Variants in AUTS2 observed in about 807,000 individuals in gnomAD.
The protein encoded by AUTS2 is autism susceptibility gene 2 protein.
AUTS2 carries 17 observed loss-of-function variants against 112.4 expected under a neutral mutation model. The ratio of observed to expected loss-of-function variants is 0.15; its 90% CI spans 0.10 to 0.23. The LOEUF (loss-of-function observed/expected upper bound fraction) is 0.23, where lower values mean the gene tolerates loss of function less well. Ranked by LOEUF, AUTS2 falls within the 10% of genes least tolerant of loss-of-function variation. The pLI is 1.00. For missense variants in AUTS2, 1,510 were observed against 1,701.6 expected, an observed-to-expected ratio of 0.89 and a Z score of 1.98; for synonymous variants, 751 against 702.7, an observed-to-expected ratio of 1.07 and a Z score of -1.09.
At chr7:69,708,133 A>G (rs1270004999) in intron 1 of AUTS2, among the ~76,000 whole-genome samples, 3 of 152,158 alleles carry the variant, frequency 2.0e-5, no homozygotes, top group South Asian at 4.2e-4. Context: ...TGTTCAAGTA[A>G]AATCTGAATG....
At chr7:70,520,887 AT>A (rs1386674040) in intron 5 of AUTS2, among the ~76,000 whole-genome samples, 2 of 152,182 alleles carry the variant, frequency 1.3e-5, no homozygotes, top group Non-Finnish European at 2.9e-5. Flanking sequence ...AACTCATTTC[AT>A]TCCAATCACT....
At chr7:69,776,986 T>C (rs1668157699) in intron 1 of AUTS2, among the ~76,000 whole-genome samples, 1 of 152,226 alleles carries the variant, frequency 6.6e-6, no homozygotes, top group Non-Finnish European at 1.5e-5. Context: ...GGAGTCACTC[T>C]CTGTTTTCTC....
intron 5 of AUTS2, among the ~76,000 whole-genome samples, chr7:70,507,320 CT>C (rs1799004399): frequency 6.6e-6 from 1 of 151,992 alleles, no homozygotes; most frequent in Non-Finnish European, 1.5e-5. Flanking sequence ...GGGAGGATCG[CT>C]TGAGCCTGGG....
At chr7:69,978,460 A>G (rs1338663246) in intron 2 of AUTS2, among the ~76,000 whole-genome samples, 1 of 152,186 alleles carries the variant, frequency 6.6e-6, no homozygotes, top group African/African-American at 2.4e-5. Context: ...ATTCAATCCA[A>G]CGAGATACTG....
At chr7:70,019,986 C>T (rs2129555183) in intron 2 of AUTS2, among the ~76,000 whole-genome samples, 1 of 152,236 alleles carries the variant, frequency 6.6e-6, no homozygotes, top group Admixed American at 6.5e-5. Context: ...GAATACAGCA[C>T]TCAGTTCTGG....
intron 1 of AUTS2, among the ~76,000 whole-genome samples, chr7:69,759,163 C>T (rs959755374): frequency 3.9e-5 from 6 of 152,030 alleles, no homozygotes; most frequent in South Asian, 2.1e-4. Context: ...GCTGTCTGCC[C>T]GGGGAACCTA....
In AUTS2 at chr7:70,790,230, C is replaced by T. The variant is rs750470894; in HGVS notation, c.3014C>T (p.Pro1005Leu). Residue 1005 changes from proline (P) to leucine (L), a missense_variant, in exon 19 of 19, where the codon CCG becomes CTG. Coordinates refer to ENST00000342771, the MANE Select transcript of AUTS2 (RefSeq NM_015570.4). The surrounding 1 kb of genome is among the most constrained non-coding windows in gnomAD (Gnocchi z 7.6). ...CCGCAGACCCACCGGGCCTCGGAGC[C>T]GCCGCCTCCCAACTCCTCGTCCAGC... The part of the protein sequence containing the change: ...EAPQTHRASE[P>L]PPPNSSSSVH... The T allele has an allele frequency of 1.9e-5, 31 of 1,612,556 alleles. No homozygotes were observed. The highest frequency in any genetic ancestry group is 1.6e-4 in the Middle Eastern group (1 of 6,080).
At chr7:69,778,249 T>A (rs867939584) in intron 1 of AUTS2, among the ~76,000 whole-genome samples, 1,121 of 36,638 alleles carry the variant, frequency 0.031, 12 homozygotes, top group African/African-American at 0.048. Flanking sequence ...TATATATATT[T>A]TTTTTTTTTT....
intron 6 of AUTS2, among the ~76,000 whole-genome samples, chr7:70,708,603 G>A (rs1039772224): frequency 6.6e-6 from 1 of 151,454 alleles, no homozygotes; most frequent in East Asian, 1.9e-4. Context: ...AAAAAAAATA[G>A]CCTTAAGACT....
chr7:69,845,581 A>T (rs1319864039), intron 1 of AUTS2, among the ~76,000 whole-genome samples: 1 of 152,170 alleles, frequency 6.6e-6, no homozygotes, highest in Non-Finnish European at 1.5e-5. Flanking sequence ...GATTACATGA[A>T]TCAGAAATAA....
chr7:70,711,108 CT>C (rs1184473912), intron 6 of AUTS2, among the ~76,000 whole-genome samples: 1 of 152,204 alleles, frequency 6.6e-6, no homozygotes, highest in Non-Finnish European at 1.5e-5. Context: ...CCTGTTACCC[CT>C]GTGTGGCCAG....
At chr7:69,631,001 T>A (rs1794207146) in intron 1 of AUTS2, among the ~76,000 whole-genome samples, 1 of 152,126 alleles carries the variant, frequency 6.6e-6, no homozygotes. Flanking sequence ...AGATTAGAAT[T>A]GATTACCTAT....
At chr7:70,371,531 A>G (rs1040513805) in intron 4 of AUTS2, among the ~76,000 whole-genome samples, 1 of 152,342 alleles carries the variant, frequency 6.6e-6, no homozygotes, top group Middle Eastern at 3.4e-3. Context: ...CATAAAATCA[A>G]TTAACTATTT....
At chr7:70,331,595 A>G (rs1790754059) in intron 4 of AUTS2, among the ~76,000 whole-genome samples, 1 of 151,222 alleles carries the variant, frequency 6.6e-6, no homozygotes, top group East Asian at 1.9e-4. Flanking sequence ...AACCAAATCC[A>G]GCAGCACATA....
intron 1 of AUTS2, among the ~76,000 whole-genome samples, chr7:69,703,863 T>C (rs1797935336): frequency 6.6e-6 from 1 of 152,246 alleles, no homozygotes; most frequent in South Asian, 2.1e-4. Context: ...TGTAAATGAA[T>C]TAGAATATAA....
intron 4 of AUTS2, among the ~76,000 whole-genome samples, chr7:70,413,546 G>A: frequency 6.6e-6 from 1 of 152,262 alleles, no homozygotes; most frequent in East Asian, 1.9e-4. Flanking sequence ...ATATCCCTGG[G>A]GGGTTATCCT....
intron 1 of AUTS2, among the ~76,000 whole-genome samples, chr7:69,704,614 T>C (rs1480557632): frequency 6.6e-6 from 1 of 152,182 alleles, no homozygotes; most frequent in African/African-American, 2.4e-5. Context: ...CTTTTTCTTG[T>C]GGTCCAGGCC....
At chr7:70,753,641 ATAAAG>A (rs1789001798) in intron 6 of AUTS2, among the ~76,000 whole-genome samples, 1 of 152,234 alleles carries the variant, frequency 6.6e-6, no homozygotes, top group Non-Finnish European at 1.5e-5. Context: ...GAGGAGGAAA[ATAAAG>A]TGAAGTGTAT....
At chr7:70,408,033 G>A (rs1265892225) in intron 4 of AUTS2, among the ~76,000 whole-genome samples, 11 of 145,966 alleles carry the variant, frequency 7.5e-5, no homozygotes, top group African/African-American at 1.8e-4. Context: ...CAGCCTGGGC[G>A]ACAGAGCGAG....
Sources: allele counts gnomAD v4.1 joint callset (sites outside exome capture counted in the v4.1 genomes callset), GRCh38; gene constraint gnomAD v4.1.1; non-coding constraint Gnocchi (gnomAD v3.1); transcripts MANE v1.5; gene names NCBI Gene and HGNC (gene_info 2026-07-23, HGNC 2026-07-21).